Variants in TARS3 observed in about 807,000 individuals in gnomAD.
TARS3 encodes the protein threonyl-tRNA synthetase 3, also known as threonine--tRNA ligase 2, cytoplasmic.
TARS3 carries 94 observed loss-of-function variants against 103.5 expected under a neutral mutation model. The observed-to-expected ratio is 0.91, with a 90% CI of 0.77 to 1.08. The LOEUF (loss-of-function observed/expected upper bound fraction) is 1.08. Among genes scored for constraint, TARS3 ranks in the 50% least tolerant of loss-of-function variants. The pLI, the probability that TARS3 is intolerant of heterozygous loss-of-function variation, is 0.00. For missense variants in TARS3, 952 were observed against 995.2 expected, an observed-to-expected ratio of 0.96 and a Z score of 0.58; for synonymous variants, 416 against 355.4, an observed-to-expected ratio of 1.17 and a Z score of -1.92.
At chr15:101,707,515 G>A (rs1899629436) in intron 6 of TARS3, among the ~76,000 whole-genome samples, 1 of 152,192 alleles carries the variant, frequency 6.6e-6, no homozygotes, top group South Asian at 2.1e-4. Context: ...CCTTATAAAG[G>A]AAGGACATTC....
At chr15:101,713,122 T>C (rs1376808680) in intron 4 of TARS3, among the ~76,000 whole-genome samples, 1 of 152,196 alleles carries the variant, frequency 6.6e-6, no homozygotes, top group Non-Finnish European at 1.5e-5. Flanking sequence ...GTACAGCCTA[T>C]TGGCGAAGAC....
chr15:101,722,642 TAAA>T (rs35018220), intron 2 of TARS3, among the ~76,000 whole-genome samples: 1 of 58,752 alleles, frequency 1.7e-5, no homozygotes, highest in Non-Finnish European at 2.8e-5. Context: ...CCATCTCTAC[TAAA>T]AAAAAAAAAA....
intron 4 of TARS3, among the ~76,000 whole-genome samples, chr15:101,713,447 AT>A (rs1899964159): frequency 6.6e-6 from 1 of 152,236 alleles, no homozygotes; most frequent in Non-Finnish European, 1.5e-5. Flanking sequence ...TGATAGCTCG[AT>A]GGGAATGAAT....
chr15:101,681,569 A>C (rs1001487354), intron 12 of TARS3, among the ~76,000 whole-genome samples: 4 of 152,222 alleles, frequency 2.6e-5, no homozygotes, highest in Non-Finnish European at 5.9e-5. Flanking sequence ...TATTCTTCAC[A>C]GTTCTGCAGG....
intron 13 of TARS3, among the ~76,000 whole-genome samples, chr15:101,673,570 C>T (rs1313287438): frequency 6.6e-6 from 1 of 152,198 alleles, no homozygotes; most frequent in Non-Finnish European, 1.5e-5. Flanking sequence ...CTATAATTTA[C>T]TCATGGAGAT....
intron 10 of TARS3, 115 bp from the exon 11 acceptor site, chr15:101,686,177 G>T: frequency 1.1e-6 from 1 of 884,800 alleles, no homozygotes; most frequent in Non-Finnish European, 1.7e-6. Context: ...ATTAATTCAT[G>T]ATTAATGTAC....
At chr15:101,682,597 T>C (rs984318050) in intron 12 of TARS3, among the ~76,000 whole-genome samples, 20 of 152,172 alleles carry the variant, frequency 1.3e-4, no homozygotes, top group African/African-American at 4.1e-4. Context: ...TCAGTAGTTT[T>C]CTTTTAATTT....
chr15:101,662,860 T>C (rs1055566038), intron 15 of TARS3, among the ~76,000 whole-genome samples: 16 of 152,198 alleles, frequency 1.1e-4, no homozygotes, highest in Non-Finnish European at 1.3e-4. Context: ...GAAGAGCAAA[T>C]AGTGACATAA....
chr15:101,656,565 A>G (rs957094743), intron 18 of TARS3, among the ~76,000 whole-genome samples: 4 of 152,208 alleles, frequency 2.6e-5, no homozygotes, highest in East Asian at 1.9e-4. Context: ...AAGTTTCCTA[A>G]TAAGCCAGAA....
chr15:101,675,948 C>G (rs754022527), intron 12 of TARS3, among the ~76,000 whole-genome samples: 1 of 147,056 alleles, frequency 6.8e-6, no homozygotes, highest in African/African-American at 2.7e-5. Context: ...GCGAGGGAAC[C>G]GTACTGTGAA....
intron 18 of TARS3, chr15:101,655,777 C>G (rs2141376493): frequency 8.5e-7 from 1 of 1,178,672 alleles, no homozygotes; most frequent in South Asian, 1.5e-5. Flanking sequence ...GTGGGGAGCT[C>G]TTACAGGCTC....
chr15:101,678,691 A>C (rs1364204032), intron 12 of TARS3, among the ~76,000 whole-genome samples: 1 of 152,228 alleles, frequency 6.6e-6, no homozygotes, highest in Non-Finnish European at 1.5e-5. Flanking sequence ...TTTTTACTTC[A>C]ATGATCAAAC....
At chr15:101,684,022 G>C in intron 12 of TARS3, 53 bp downstream of exon 12, 1 of 1,548,772 alleles carries the variant, frequency 6.5e-7, no homozygotes, top group South Asian at 1.2e-5. Flanking sequence ...GATGTGTGCG[G>C]GGCATCACAC....
In TARS3 at chr15:101,701,178, C is replaced by A; in HGVS notation, c.1228G>T (p.Glu410Ter). ...RDHRKIGKEQ[E>*]LFFFHDLSPG... ...CTCAAATCGTGGAAAAAGAAAAGTT[C>A]TTGTTCCTAGATTGAAACAAAAATT... The change falls in exon 10 of 19, where the codon GAA becomes TAA. Residue 410 changes from glutamate (E) to a stop codon, truncating the protein, a stop_gained. Transcript: ENST00000335968. LOFTEE classifies it high-confidence loss of function. 1 of 1,589,024 alleles carries A rather than the reference C, an allele frequency of 6.3e-7. No homozygotes were observed. Among genetic ancestry groups the A allele is most frequent in the Non-Finnish European group, 8.5e-7 (1 of 1,172,974 alleles).
chr15:101,679,061 T>C (rs997528659), intron 12 of TARS3, among the ~76,000 whole-genome samples: 2 of 152,216 alleles, frequency 1.3e-5, no homozygotes, highest in Non-Finnish European at 2.9e-5. Context: ...AATTTCTCTC[T>C]CATTGCTTTC....
At chr15:101,701,542 G>A (rs1899279579) in intron 9 of TARS3, among the ~76,000 whole-genome samples, 1 of 152,174 alleles carries the variant, frequency 6.6e-6, no homozygotes, top group Non-Finnish European at 1.5e-5. Flanking sequence ...CCTACTGAGA[G>A]CCTATCCTGT....
At chr15:101,719,858 T>C (rs1443414537) in intron 3 of TARS3, among the ~76,000 whole-genome samples, 1 of 152,174 alleles carries the variant, frequency 6.6e-6, no homozygotes, top group African/African-American at 2.4e-5. Flanking sequence ...TCTAGACGGT[T>C]AGCTTGCATT....
chr15:101,701,127 T>C lies in TARS3; in HGVS notation c.1279A>G (p.Arg427Gly), dbSNP rs1298884697. 6.3e-6 allele frequency: 10 copies of C among 1,598,460 alleles called. No homozygotes were observed. The highest frequency in any genetic ancestry group is 8.5e-6 in the Non-Finnish European group (10 of 1,175,610). Reference protein sequence around the residue: ...LSPGSCFFLPRGAFIYNTLTD... With the variant: ...LSPGSCFFLPGGAFIYNTLTD... ...AGCGTATTATAAATGAAGGCTCCTC[T>C]GGGAAGGAAAAAACAGCTTCCAGGA... Residue 427 changes from arginine to glycine, a missense_variant, in exon 10 of 19, where the codon AGA becomes GGA. Physicochemically the swap from Arg to Gly is moderately radical, Grantham distance 125. Around this residue, in one of 2 missense-constraint regions of TARS3, gnomAD observed 540 missense variants for 631.0 expected, o/e 0.86. Transcript: ENST00000335968.
chr15:101,680,244 A>G lies in TARS3; in HGVS notation c.1650+3831T>C, dbSNP rs1178502546. On this transcript the variant is annotated intron_variant, in intron 12 of 18. Coordinates refer to ENST00000335968, the MANE Select transcript of TARS3 (RefSeq NM_152334.3). ...CTTCTCAATCAGCCTTAGCTGGCAT[A>G]TAAAGGGCCACAGTTTTTTCTGTGG... Among the ~76,000 whole-genome samples the G allele has an allele frequency of 2.6e-5, 4 of 152,348 alleles. No individual in the cohort carries two copies. The East Asian group carries it at 7.7e-4, about 29-fold the overall frequency.
Sources: allele counts gnomAD v4.1 joint callset (sites outside exome capture counted in the v4.1 genomes callset), GRCh38; gene constraint gnomAD v4.1.1; regional missense constraint gnomAD v4.1.1; transcripts MANE v1.5; gene names NCBI Gene and HGNC (gene_info 2026-07-23, HGNC 2026-07-21).